RNF214: variants seen among roughly 807,000 people sequenced by gnomAD.
RNF214 encodes the protein ring finger protein 214.
Under a neutral mutation model 75.9 loss-of-function variants are expected in RNF214, and 25 were observed. The observed-to-expected ratio is 0.33, with a 90% CI of 0.24 to 0.46. RNF214 has a LOEUF of 0.46. Among genes scored for constraint, RNF214 ranks in the 20% least tolerant of loss-of-function variants. RNF214 has a pLI of 1.00. For missense variants in RNF214, 725 were observed against 857.5 expected (o/e 0.85, Z 1.93); for synonymous variants, 314 against 308.8 (o/e 1.02, Z -0.18).
rs919026735 is a variant in RNF214 at position 117,285,371 on chromosome 11, C to T, written c.*220C>T. On this transcript the variant is annotated 3_prime_UTR_variant, in exon 15 of 15. Coordinates refer to ENST00000300650, the MANE Select transcript of RNF214 (RefSeq NM_207343.4). ...TCTGTTCCCCCTCATCTTGCAATTC[C>T]TTTGGGGGATGCAGATTGTAGGGAA... 2.5e-6 allele frequency: 1 copy of T among 400,064 alleles called. No homozygotes were observed. The highest frequency in any genetic ancestry group is 2.1e-5 in the African/African-American group (1 of 48,048). The allele number at this position is 400,064 out of a possible 1,614,324, so 24.8% of individuals were successfully genotyped here. A position where few individuals can be genotyped will look rare whatever the true frequency, so the allele number is the denominator to read the frequency against.
intron 6 of RNF214, among the ~76,000 whole-genome samples, chr11:117,271,434 C>T (rs2033908030): frequency 6.6e-6 from 1 of 152,214 alleles, no homozygotes; most frequent in Admixed American, 6.5e-5. Context: ...AATTGTAGGG[C>T]TGCTTTCATG....
chr11:117,240,384 TAAAAAAA>T (rs372718608), intron 4 of RNF214, among the ~76,000 whole-genome samples: 2 of 61,698 alleles, frequency 3.2e-5, no homozygotes, highest in East Asian at 4.9e-4. Context: ...CAAAAAAAAT[TAAAAAAA>T]AAAAAAAAAA....
Position 117,246,343 on chromosome 11 carries a change from A to C in RNF214, c.820-466A>C, listed in dbSNP as rs377384217. Reference sequence around the variant, plus strand: ...TCTGTGTGTATATGTGTGTGTGTATATATGTATGTATTTGTTGTTGTTAAA... The same window carrying C: ...TCTGTGTGTATATGTGTGTGTGTATCTATGTATGTATTTGTTGTTGTTAAA... On this transcript the variant is annotated intron_variant, in intron 5 of 14. Transcript: ENST00000300650. Among the ~76,000 whole-genome samples, 53 of 152,274 alleles carry C rather than the reference A, an allele frequency of 3.5e-4. No homozygotes were observed. In the South Asian group the frequency reaches 7.5e-3, roughly 21 times the overall value.
intron 5 of RNF214, among the ~76,000 whole-genome samples, chr11:117,246,397 TAAA>T (rs1226314349): frequency 2.0e-5 from 3 of 152,174 alleles, no homozygotes; most frequent in East Asian, 3.9e-4. Context: ...CCATACATAA[TAAA>T]GTAGAATCAC....
chr11:117,239,818 T>C lies in RNF214; in HGVS notation c.636T>C (p.Ala212=), dbSNP rs774079874. The change falls in exon 4 of 15, where the codon GCT becomes GCC. Residue 212 remains alanine (A), a synonymous_variant. Coordinates refer to ENST00000300650, the MANE Select transcript of RNF214 (RefSeq NM_207343.4). ...NIAVQTDFKT[A]DSEVNTDQDI... is the part of the protein sequence containing the mutation. ...CTTTATAGACTGACTTTAAGACAGC[T>C]GATTCAGAGGTAAACACAGATCAAG... is the stretch of plus-strand genomic sequence containing the variant. 1.3e-5 allele frequency: 21 copies of C among 1,564,816 alleles called. No individual in the cohort carries two copies. The highest frequency in any genetic ancestry group is 1.8e-5 in the Non-Finnish European group (21 of 1,135,468).
intron 2 of RNF214, among the ~76,000 whole-genome samples, chr11:117,237,639 G>A (rs2032946454): frequency 6.6e-6 from 1 of 152,122 alleles, no homozygotes; most frequent in African/African-American, 2.4e-5. Context: ...CAGCCTGGGT[G>A]ACAAAGTGAA....
At chr11:117,235,092 GT>G (rs2032864582) in intron 2 of RNF214, among the ~76,000 whole-genome samples, 1 of 152,206 alleles carries the variant, frequency 6.6e-6, no homozygotes, top group African/African-American at 2.4e-5. Flanking sequence ...GTAAATAGTT[GT>G]GTTGTTTAAG....
At chr11:117,266,872 TGAGAC>T (rs2033806962) in intron 6 of RNF214, among the ~76,000 whole-genome samples, 1 of 148,000 alleles carries the variant, frequency 6.8e-6, no homozygotes. Flanking sequence ...TTTTTTTTTT[TGAGAC>T]AGAGTCTCAC....
At chr11:117,251,675 A>G (rs1307047155) in intron 6 of RNF214, among the ~76,000 whole-genome samples, 1 of 152,126 alleles carries the variant, frequency 6.6e-6, no homozygotes, top group Non-Finnish European at 1.5e-5. Context: ...CAAATGAAGG[A>G]AAAGACACTG....
chr11:117,248,110 C>G (rs568483501), intron 6 of RNF214, among the ~76,000 whole-genome samples: 28 of 152,066 alleles, frequency 1.8e-4, no homozygotes, highest in Non-Finnish European at 8.8e-5. Context: ...GAGTCTTGCT[C>G]TGTTCCCCAG....
At chr11:117,280,030 A>G in intron 7 of RNF214, 26 bp downstream of exon 7, 1 of 1,582,798 alleles carries the variant, frequency 6.3e-7, no homozygotes, top group African/African-American at 1.3e-5. Flanking sequence ...GATATCTTGA[A>G]AGTCTTAGTT....
chr11:117,285,197 G>C lies in RNF214; in HGVS notation c.*46G>C. ...GAAGAAGAGAAACTGATGTGAACAG[G>C]AAGCGCGGGTTCAAGATTTCTAAAA... On this transcript the variant is annotated 3_prime_UTR_variant, in exon 15 of 15. Transcript: ENST00000300650. 1 of 1,318,520 alleles carries C rather than the reference G, an allele frequency of 7.6e-7. No homozygotes were observed. The highest frequency in any genetic ancestry group is 1.1e-6 in the Non-Finnish European group (1 of 911,876). The allele number at this position is 1,318,520 out of a possible 1,614,324, so 81.7% of individuals were successfully genotyped here. A position where few individuals can be genotyped will look rare whatever the true frequency, so the allele number is the denominator to read the frequency against.
chr11:117,239,585 A>T lies in RNF214; in HGVS notation c.619-216A>T, dbSNP rs1235471432. 9.1e-6 allele frequency: 5 copies of T among 551,442 alleles called. 1 individual carries two copies. The South Asian group carries it at 1.0e-4, about 11-fold the overall frequency. The allele number at this position is 551,442 out of a possible 1,614,324, so 34.2% of individuals were successfully genotyped here. ...ACTTGAGGCTTTCTCTCAGTCAGTC[A>T]TTGGGTCTTGTTTGGGTTATTTTGT... On this transcript the variant is annotated intron_variant, in intron 3 of 14. Coordinates refer to ENST00000300650, the MANE Select transcript of RNF214 (RefSeq NM_207343.4).
intron 2 of RNF214, among the ~76,000 whole-genome samples, chr11:117,234,973 G>A (rs956206985): frequency 1.3e-5 from 2 of 152,056 alleles, no homozygotes; most frequent in Non-Finnish European, 2.9e-5. Context: ...CTATTAAAAA[G>A]ATAAAAAATA....
At chr11:117,248,692 A>G (rs2033294126) in intron 6 of RNF214, among the ~76,000 whole-genome samples, 1 of 152,132 alleles carries the variant, frequency 6.6e-6, no homozygotes, top group African/African-American at 2.4e-5. Flanking sequence ...AATTTTCCAG[A>G]AATTATGAGG....
At chr11:117,269,391 T>C (rs747400594) in intron 6 of RNF214, among the ~76,000 whole-genome samples, 2 of 150,288 alleles carry the variant, frequency 1.3e-5, no homozygotes, top group Non-Finnish European at 2.9e-5. Flanking sequence ...AGACAAGGTC[T>C]CACTCTGTCA....
chr11:117,262,472 T>C (rs889246122), intron 6 of RNF214, among the ~76,000 whole-genome samples: 1 of 152,052 alleles, frequency 6.6e-6, no homozygotes, highest in Admixed American at 6.5e-5. Context: ...CTCAAACTCA[T>C]GGGCTCAAGT....
At chr11:117,273,366 A>G (rs946081951) in intron 6 of RNF214, among the ~76,000 whole-genome samples, 10 of 151,736 alleles carry the variant, frequency 6.6e-5, no homozygotes, top group Non-Finnish European at 1.3e-4. Context: ...TTGTTTTATT[A>G]TTATTATTAT....
intron 6 of RNF214, among the ~76,000 whole-genome samples, chr11:117,273,762 G>T (rs1313165808): frequency 1.3e-5 from 2 of 152,132 alleles, no homozygotes; most frequent in Non-Finnish European, 2.9e-5. Flanking sequence ...GAAAATTGAG[G>T]TCGTTGATTG....
Sources: allele counts gnomAD v4.1 joint callset (sites outside exome capture counted in the v4.1 genomes callset), GRCh38; gene constraint gnomAD v4.1.1; transcripts MANE v1.5; gene names NCBI Gene and HGNC (gene_info 2026-07-23, HGNC 2026-07-21).